Variants in NPAS3 observed in about 807,000 individuals in gnomAD.
NPAS3 encodes the protein neuronal PAS domain-containing protein 3.
A neutral mutation model predicts 73.1 loss-of-function variants in NPAS3; 14 were observed. The observed-to-expected ratio is 0.19, with a 90% CI of 0.13 to 0.30. The LOEUF is 0.30. Ranked by LOEUF, NPAS3 falls within the 10% of genes least tolerant of loss-of-function variation. NPAS3 has a pLI of 1.00. For synonymous variants in NPAS3, 620 were observed against 541.5 expected, an observed-to-expected ratio of 1.14 and a Z score of -2.01; for missense variants, 1,096 against 1,250.0, an observed-to-expected ratio of 0.88 and a Z score of 1.86.
chr14:33,627,659 A>G (rs932542454), intron 5 of NPAS3, among the ~76,000 whole-genome samples: 2 of 152,360 alleles, frequency 1.3e-5, no homozygotes, highest in South Asian at 2.1e-4. Context: ...TCCTACAAGA[A>G]CATCAATAAC....
chr14:33,493,960 G>C (rs932987548), intron 4 of NPAS3, among the ~76,000 whole-genome samples: 5 of 152,086 alleles, frequency 3.3e-5, no homozygotes, highest in Non-Finnish European at 5.9e-5. Flanking sequence ...AGCAGCAACT[G>C]TGTCTGAGCA....
At chr14:32,947,041 G>A (rs1201716969) in intron 1 of NPAS3, among the ~76,000 whole-genome samples, 1 of 152,008 alleles carries the variant, frequency 6.6e-6, no homozygotes, top group Non-Finnish European at 1.5e-5. Flanking sequence ...GTGTCCCACA[G>A]CATTTTAAGA....
intron 2 of NPAS3, among the ~76,000 whole-genome samples, chr14:33,204,757 C>T (rs1270293727): frequency 6.6e-6 from 1 of 152,054 alleles, no homozygotes. Context: ...TGGTTAAGAC[C>T]CTTGTGGGAT....
At chr14:33,355,595 G>C (rs1166192645) in intron 3 of NPAS3, among the ~76,000 whole-genome samples, 1 of 152,206 alleles carries the variant, frequency 6.6e-6, no homozygotes, top group Non-Finnish European at 1.5e-5. Flanking sequence ...ACTGTGCCCA[G>C]GCAACCTGTT....
rs1174464268 is a variant in NPAS3, at chr14:33,783,587, T to TG, written c.1153+5022dup. Among the ~76,000 whole-genome samples the TG allele has an allele frequency of 8.1e-3, 257 of 31,692 alleles. 2 individuals are homozygous for TG. The highest frequency in any genetic ancestry group is 0.052 in the East Asian group (54 of 1,034). 20.8% of individuals were successfully genotyped at this position (31,692 alleles called of 152,430 possible). On this transcript the variant is annotated intron_variant, in intron 9 of 11. Transcript: ENST00000356141. Reference sequence around the variant, plus strand: ...TTTGTATTATTTTGTCTTAGTTTTTTGGGGGGGTGGTGTGGGGGGGCGGGT... The same window carrying TG: ...TTTGTATTATTTTGTCTTAGTTTTTTGGGGGGGGTGGTGTGGGGGGGCGGGT...
chr14:33,463,042 C>T (rs150103863), intron 4 of NPAS3, among the ~76,000 whole-genome samples: 146 of 152,274 alleles, frequency 9.6e-4, no homozygotes, highest in Non-Finnish European at 1.7e-3. Flanking sequence ...TCTTATTGAG[C>T]TCACTGCGAG....
At chr14:33,645,161 A>G (rs1053175996) in intron 5 of NPAS3, among the ~76,000 whole-genome samples, 1 of 152,070 alleles carries the variant, frequency 6.6e-6, no homozygotes, top group Non-Finnish European at 1.5e-5. Flanking sequence ...AGAAATGTCG[A>G]GAGTTGGTAA....
intron 5 of NPAS3, among the ~76,000 whole-genome samples, chr14:33,648,719 C>T (rs181864125): frequency 3.4e-4 from 52 of 152,286 alleles, no homozygotes; most frequent in Middle Eastern, 3.4e-3. Flanking sequence ...ACATCTCTCC[C>T]CTGGGTATGG....
chr14:33,054,208 A>G (rs1250409178), intron 1 of NPAS3, among the ~76,000 whole-genome samples: 2 of 152,186 alleles, frequency 1.3e-5, no homozygotes, highest in African/African-American at 4.8e-5. Context: ...CTTTCTTGTA[A>G]CAGTTTTACA....
chr14:33,068,254 G>T (rs1257817010), intron 2 of NPAS3, among the ~76,000 whole-genome samples: 1 of 152,186 alleles, frequency 6.6e-6, no homozygotes, highest in East Asian at 1.9e-4. Flanking sequence ...AAACTTACCA[G>T]TGTAGCTCCA....
At chr14:33,348,836 G>T (rs1046066772) in intron 3 of NPAS3, among the ~76,000 whole-genome samples, 1 of 152,140 alleles carries the variant, frequency 6.6e-6, no homozygotes, top group Non-Finnish European at 1.5e-5. Flanking sequence ...TTCCTGTTTT[G>T]GGAAGAGGTG....
intron 2 of NPAS3, among the ~76,000 whole-genome samples, chr14:33,104,016 AG>A (rs769277173): frequency 2.6e-5 from 4 of 152,148 alleles, no homozygotes; most frequent in Non-Finnish European, 2.9e-5. Flanking sequence ...TACCCCTAAA[AG>A]CTTATGGCGT....
chr14:33,225,543 C>A (rs10220486), intron 3 of NPAS3, among the ~76,000 whole-genome samples: 2 of 152,020 alleles, frequency 1.3e-5, no homozygotes, highest in African/African-American at 2.4e-5. Flanking sequence ...CTGCTCAGCC[C>A]TACTTTTATA....
chr14:33,110,733 G>C (rs1281309913), intron 2 of NPAS3, among the ~76,000 whole-genome samples: 1 of 152,120 alleles, frequency 6.6e-6, no homozygotes, highest in Non-Finnish European at 1.5e-5. Flanking sequence ...TATGTTGAAA[G>C]GCATTTGAAA....
At chr14:33,326,195 A>G (rs1283226827) in intron 3 of NPAS3, among the ~76,000 whole-genome samples, 1 of 152,178 alleles carries the variant, frequency 6.6e-6, no homozygotes, top group Non-Finnish European at 1.5e-5. Context: ...CAGGACAGAG[A>G]CAGGGCTCAT....
At chr14:33,710,376 T>TATC (rs898261454) in intron 6 of NPAS3, among the ~76,000 whole-genome samples, 5 of 152,200 alleles carry the variant, frequency 3.3e-5, no homozygotes, top group African/African-American at 1.2e-4. Flanking sequence ...CTTGAGATCT[T>TATC]ATCTTTCTTG....
chr14:33,544,825 A>ATATATATATTATATATATATAAT, intron 4 of NPAS3, among the ~76,000 whole-genome samples: 1 of 112,188 alleles, frequency 8.9e-6, no homozygotes, highest in African/African-American at 4.1e-5. Context: ...TATATAATAT[A>ATATATATATTATATATATATAAT]TATGTGTATA....
At chr14:33,059,664 G>T (rs2041023641) in intron 2 of NPAS3, among the ~76,000 whole-genome samples, 1 of 152,130 alleles carries the variant, frequency 6.6e-6, no homozygotes, top group African/African-American at 2.4e-5. Context: ...TAAAGTAGTG[G>T]ATTTCATCAG....
At chr14:33,622,461 T>C (rs1446801906) in intron 5 of NPAS3, among the ~76,000 whole-genome samples, 1 of 152,186 alleles carries the variant, frequency 6.6e-6, no homozygotes, top group African/African-American at 2.4e-5. Flanking sequence ...TGCCTGCCAA[T>C]AGAATCAATT....
Sources: gnomAD v4.1 joint callset for allele counts (sites outside exome capture counted in the v4.1 genomes callset) on GRCh38, gnomAD v4.1.1 for gene constraint, MANE v1.5 for transcripts, NCBI Gene and HGNC (gene_info 2026-07-23, HGNC 2026-07-21) for gene names.